Variants in PRKCI observed in about 807,000 individuals in gnomAD.
PRKCI encodes the protein protein kinase C iota.
Under a neutral mutation model 84.0 loss-of-function variants are expected in PRKCI, and 43 were observed. The ratio of observed to expected loss-of-function variants is 0.51; its 90% CI spans 0.40 to 0.66. The LOEUF (loss-of-function observed/expected upper bound fraction) is 0.66, where lower values mean the gene tolerates loss of function less well. Among genes scored for constraint, PRKCI ranks in the 30% least tolerant of loss-of-function variants. The probability of loss-of-function intolerance (pLI) is 0.00; values close to 1 mark genes in which losing one functional copy is unlikely to be tolerated. For synonymous variants in PRKCI, 216 were observed against 234.4 expected (o/e 0.92, Z 0.72); for missense variants, 459 against 745.6 (o/e 0.62, Z 4.48).
At chr3:170,253,440 A>G (rs764898742) in intron 2 of PRKCI, among the ~76,000 whole-genome samples, 23 of 152,182 alleles carry the variant, frequency 1.5e-4, no homozygotes, top group African/African-American at 4.3e-4. Context: ...CTGATGATCA[A>G]TGATGTTGAA....
At chr3:170,272,638 G>A (rs1577362441) in intron 6 of PRKCI, among the ~76,000 whole-genome samples, 1 of 152,116 alleles carries the variant, frequency 6.6e-6, no homozygotes, top group Non-Finnish European at 1.5e-5. Flanking sequence ...TTTCTTTAAC[G>A]CAGCCTTGAA....
In PRKCI at chr3:170,246,025, G is replaced by C. The variant is rs186853921; in HGVS notation, c.223+10674G>C. On this transcript the variant is annotated intron_variant, in intron 2 of 17. Transcript: ENST00000295797. The stretch of plus-strand genomic sequence containing the variant: ...GCTGGAATGCAGTGGTGTGATCATG[G>C]CTCACTGCAGCCTACCTCTCAGGCT... Among the ~76,000 whole-genome samples, 9 of 145,404 alleles carry C rather than the reference G, an allele frequency of 6.2e-5. 1 individual carries two copies. In the South Asian group the frequency reaches 6.5e-4, roughly 10 times the overall value.
At chr3:170,298,281 C>A (rs781532403) in intron 16 of PRKCI, among the ~76,000 whole-genome samples, 5 of 152,030 alleles carry the variant, frequency 3.3e-5, no homozygotes, top group Non-Finnish European at 7.4e-5. Context: ...AGTCCGTTGC[C>A]CAGGCTGTAG....
chr3:170,244,905 G>T (rs960229197), intron 2 of PRKCI: 1 of 152,222 alleles, frequency 6.6e-6, no homozygotes, highest in Non-Finnish European at 1.5e-5. Flanking sequence ...AAATAAAACA[G>T]GTTATAGGAG....
intron 11 of PRKCI, 128 bp downstream of exon 11, chr3:170,282,096 G>C (rs2108859548): frequency 1.1e-6 from 1 of 925,912 alleles, no homozygotes; most frequent in Non-Finnish European, 1.6e-6. Context: ...GTCATGCAGA[G>C]GCTGAGCTAA....
chr3:170,290,393 G>A (rs954353672), intron 12 of PRKCI, among the ~76,000 whole-genome samples: 6 of 151,672 alleles, frequency 4.0e-5, no homozygotes, highest in Non-Finnish European at 7.4e-5. Context: ...CCTAATATAT[G>A]GCCAGTAGCC....
intron 1 of PRKCI, among the ~76,000 whole-genome samples, chr3:170,231,756 C>T (rs192974320): frequency 1.5e-3 from 229 of 152,264 alleles, no homozygotes; most frequent in African/African-American, 5.3e-3. Flanking sequence ...TGAGCCACTG[C>T]GCCCAGCCTT....
In PRKCI at chr3:170,253,618, C is replaced by T. The variant is rs909151328; in HGVS notation, c.224-6351C>T. Among the ~76,000 whole-genome samples, 3 of 151,830 alleles carry T rather than the reference C, an allele frequency of 2.0e-5. No homozygotes were observed. In the East Asian group the frequency reaches 5.8e-4, roughly 30 times the overall value. On this transcript the variant is annotated intron_variant, in intron 2 of 17. Coordinates refer to ENST00000295797, the MANE Select transcript of PRKCI (RefSeq NM_002740.6). ...CATCCTGGCTAACATGGTGAAACCCCGTCTCTACTAAAAATCCAAAAAATT... is the reference window on the plus strand; with the variant it reads ...CATCCTGGCTAACATGGTGAAACCCTGTCTCTACTAAAAATCCAAAAAATT...
chr3:170,296,632 GTT>G (rs1211274854), intron 15 of PRKCI, among the ~76,000 whole-genome samples: 4 of 152,140 alleles, frequency 2.6e-5, no homozygotes, highest in African/African-American at 9.6e-5. Context: ...AAGATAATGA[GTT>G]TTAATAAAAT....
chr3:170,281,783 ATAG>A, intron 10 of PRKCI, 96 bp from the exon 11 acceptor site: 1 of 1,447,934 alleles, frequency 6.9e-7, no homozygotes, highest in Non-Finnish European at 9.1e-7. Flanking sequence ...TAAAGGCTAA[ATAG>A]TAGAGAATGC....
chr3:170,282,030 A>G (rs946153979), intron 11 of PRKCI, 62 bp downstream of exon 11: 1 of 1,545,254 alleles, frequency 6.5e-7, no homozygotes, highest in African/African-American at 1.4e-5. Context: ...TTTTATGTGC[A>G]GTGGTTGGAA....
intron 1 of PRKCI, among the ~76,000 whole-genome samples, chr3:170,224,713 G>A (rs751081615): frequency 6.6e-6 from 1 of 152,010 alleles, no homozygotes; most frequent in East Asian, 1.9e-4. Flanking sequence ...TAGTAGAGAC[G>A]GGGTTTCACC....
chr3:170,296,439 G>A (rs1734686848), intron 15 of PRKCI, among the ~76,000 whole-genome samples: 1 of 152,042 alleles, frequency 6.6e-6, no homozygotes, highest in Non-Finnish European at 1.5e-5. Context: ...GGTAAGATTC[G>A]GAAGAAATGA....
At chr3:170,286,018 A>C (rs1464631467) in intron 12 of PRKCI, among the ~76,000 whole-genome samples, 1 of 150,858 alleles carries the variant, frequency 6.6e-6, no homozygotes, top group Admixed American at 6.6e-5. Flanking sequence ...TCCACCTCCC[A>C]GGTTCAAGCA....
At chr3:170,244,107 A>G (rs951261056) in intron 2 of PRKCI, among the ~76,000 whole-genome samples, 1 of 152,190 alleles carries the variant, frequency 6.6e-6, no homozygotes, top group African/African-American at 2.4e-5. Context: ...GTTGATTCCC[A>G]TGAGATCCTG....
At chr3:170,258,951 C>G (rs1341133890) in intron 2 of PRKCI, among the ~76,000 whole-genome samples, 2 of 152,124 alleles carry the variant, frequency 1.3e-5, no homozygotes, top group Admixed American at 1.3e-4. Flanking sequence ...CCTCTTTAGA[C>G]TTTCCCATTA....
At chr3:170,247,730 C>CAAAAAAAAAAAAAAAA (rs72411481) in intron 2 of PRKCI, among the ~76,000 whole-genome samples, 1 of 27,896 alleles carries the variant, frequency 3.6e-5, no homozygotes, top group African/African-American at 1.4e-4. Flanking sequence ...AACTCTGTCT[C>CAAAAAAAAAAAAAAAA]AAAAAAAAAA....
intron 12 of PRKCI, among the ~76,000 whole-genome samples, chr3:170,286,455 A>G (rs1023123690): frequency 6.7e-6 from 1 of 148,462 alleles, no homozygotes. Flanking sequence ...ATTACCCTTC[A>G]TACGAAGTGC....
chr3:170,260,030 A>G lies in PRKCI; in HGVS notation c.285A>G (p.Leu95=). ...ELEEAFRLYE[L]NKDSELLIHV... Reference sequence around the variant, plus strand: ...AAGAAGCCTTTAGACTTTATGAGCTAAACAAGGATTCTGAACTCTTGATTC... The same window carrying G: ...AAGAAGCCTTTAGACTTTATGAGCTGAACAAGGATTCTGAACTCTTGATTC... Residue 95 remains leucine (L), a synonymous_variant, in exon 3 of 18, where the codon CTA becomes CTG. Transcript: ENST00000295797. 1 of 1,612,226 alleles carries G rather than the reference A, an allele frequency of 6.2e-7. No individual in the cohort carries two copies. Among genetic ancestry groups the G allele is most frequent in the Non-Finnish European group, 8.5e-7 (1 of 1,178,656 alleles).
Sources: gnomAD v4.1 joint callset for allele counts (sites outside exome capture counted in the v4.1 genomes callset) on GRCh38, gnomAD v4.1.1 for gene constraint, MANE v1.5 for transcripts, NCBI Gene and HGNC (gene_info 2026-07-23, HGNC 2026-07-21) for gene names.